The following TMEM192 variants were observed in gnomAD, a reference collection of about 807,000 sequenced individuals.
The protein encoded by TMEM192 is transmembrane protein 192.
Under a neutral mutation model 26.7 loss-of-function variants are expected in TMEM192, and 20 were observed. That is an observed-to-expected ratio of 0.75 (90% confidence interval 0.53 to 1.09). The LOEUF is 1.09. Ranked by LOEUF, TMEM192 falls within the 50% of genes least tolerant of loss-of-function variation. The pLI is 0.00. For missense variants in TMEM192, 304 were observed against 322.6 expected (o/e 0.94, Z 0.44); for synonymous variants, 124 against 121.0 (o/e 1.02, Z -0.16).
At chr4:165,084,605 G>A (rs1265361840) in intron 5 of TMEM192, among the ~76,000 whole-genome samples, 1 of 151,756 alleles carries the variant, frequency 6.6e-6, no homozygotes, top group South Asian at 2.1e-4. Context: ...CCAAAAGCAG[G>A]ATGAGAAGAA....
intron 3 of TMEM192, 87 bp from the exon 4 acceptor site, chr4:165,088,689 C>T (rs1431690660): frequency 4.6e-5 from 60 of 1,310,828 alleles, no homozygotes; most frequent in Non-Finnish European, 6.2e-6. Flanking sequence ...TTGTCTGGTT[C>T]CTTACACAGA....
intron 1 of TMEM192, chr4:165,111,552 G>GT (rs1182493373): frequency 2.0e-5 from 3 of 152,224 alleles, no homozygotes; most frequent in East Asian, 3.9e-4. Flanking sequence ...TACATATTCG[G>GT]TTTTTTCTGT....
At chr4:165,090,194 A>G (rs932990593) in intron 3 of TMEM192, among the ~76,000 whole-genome samples, 1 of 140,320 alleles carries the variant, frequency 7.1e-6, no homozygotes, top group Admixed American at 7.6e-5. Context: ...CTGGGCAACA[A>G]GAGCGAAACT....
intron 1 of TMEM192, among the ~76,000 whole-genome samples, chr4:165,110,752 G>A (rs1378774605): frequency 2.6e-5 from 4 of 152,218 alleles, no homozygotes. Context: ...TTCCAGGGTA[G>A]ACCCTGAAAG....
At position 165,112,797 on chromosome 4, in the gene TMEM192, C is replaced by A. The variant is rs1255194639; in HGVS notation, c.-24G>T. The A allele has an allele frequency of 2.5e-6, 4 of 1,604,406 alleles. No individual in the cohort carries two copies. In the African/African-American group the frequency reaches 5.4e-5, roughly 21 times the overall value. On this transcript the variant is annotated 5_prime_UTR_variant, in exon 1 of 6. Transcript: ENST00000306480. ...ATTTCCCGACGCCGGAGGCCGAAGC[C>A]CTGGCCAGCCCGGCCTCTCCACCTG...
At chr4:165,103,669 C>T (rs1017734937) in intron 1 of TMEM192, among the ~76,000 whole-genome samples, 2 of 152,116 alleles carry the variant, frequency 1.3e-5, no homozygotes, top group Admixed American at 6.6e-5. Context: ...GCATGCACCA[C>T]CACACCCGGC....
chr4:165,106,723 C>T (rs1404874670), intron 1 of TMEM192, among the ~76,000 whole-genome samples: 1 of 152,220 alleles, frequency 6.6e-6, no homozygotes, highest in Non-Finnish European at 1.5e-5. Context: ...CTCAGGCCTT[C>T]GGCTGCCGAC....
rs1734372409 is a variant in TMEM192, at chr4:165,076,038, CA to C, written c.*3619del. ...AGACAGATGAGACTAAAAAAAAAAACAAAACAAAAAAAGTGTACATTGGTAT... is the reference window on the plus strand; with the variant it reads ...AGACAGATGAGACTAAAAAAAAAAACAAACAAAAAAAGTGTACATTGGTAT... On this transcript the variant is annotated 3_prime_UTR_variant, in exon 6 of 6. Transcript: ENST00000306480. 1.3e-5 allele frequency: 2 copies of C among 149,792 alleles called. No homozygotes were observed. Among genetic ancestry groups the C allele is most frequent in the Non-Finnish European group, 3.0e-5 (2 of 67,414 alleles). The allele number at this position is 149,792 out of a possible 1,614,324, so 9.3% of individuals were successfully genotyped here.
At chr4:165,098,835 C>T (rs1734974401) in intron 3 of TMEM192, among the ~76,000 whole-genome samples, 1 of 151,544 alleles carries the variant, frequency 6.6e-6, no homozygotes, top group Non-Finnish European at 1.5e-5. Context: ...GTAGCTGGGA[C>T]TACAGGCGCG....
At chr4:165,102,596 C>T (rs1167524840) in intron 2 of TMEM192, among the ~76,000 whole-genome samples, 4 of 152,098 alleles carry the variant, frequency 2.6e-5, no homozygotes, top group African/African-American at 9.7e-5. Flanking sequence ...CTATCCACCC[C>T]ATTCTTAACA....
chr4:165,085,214 G>T (rs868155539), intron 5 of TMEM192, among the ~76,000 whole-genome samples: 1 of 150,032 alleles, frequency 6.7e-6, no homozygotes, highest in African/African-American at 2.5e-5. Context: ...TGGAGACTAC[G>T]GTGAGCCAAG....
Position 165,071,108 on chromosome 4 carries a change from T to C in TMEM192, c.*8550A>G, listed in dbSNP as rs1215479754. The C allele has an allele frequency of 6.6e-6, 1 of 152,018 alleles. No homozygotes were observed. The highest frequency in any genetic ancestry group is 1.5e-5 in the Non-Finnish European group (1 of 67,924). 9.4% of individuals were successfully genotyped at this position (152,018 alleles called of 1,614,324 possible). A position where few individuals can be genotyped will look rare whatever the true frequency, so the allele number is the denominator to read the frequency against. On this transcript the variant is annotated 3_prime_UTR_variant, in exon 6 of 6. Coordinates refer to ENST00000306480, the MANE Select transcript of TMEM192 (RefSeq NM_001100389.2). ...AGATAGTACTAAACCCTACGAACAC[T>C]ATATTTTTTCCTATCCACACATAAC...
intron 1 of TMEM192, among the ~76,000 whole-genome samples, chr4:165,109,941 A>G (rs1038813388): frequency 6.6e-6 from 1 of 152,164 alleles, no homozygotes; most frequent in African/African-American, 2.4e-5. Context: ...TTCATTTGGA[A>G]TATTTCTTAT....
At chr4:165,091,374 G>A (rs1734759487) in intron 3 of TMEM192, among the ~76,000 whole-genome samples, 1 of 152,144 alleles carries the variant, frequency 6.6e-6, no homozygotes. Context: ...TAAGACTAGA[G>A]CCCTTTCATT....
rs915683697 is a variant in TMEM192 at position 165,070,786 on chromosome 4, C to T, written c.*8872G>A. ...GGAACAGGCTTTGAGCATGTGTGAG[C>T]ATAGTTTTTCTACTACAATTCCAGT... On this transcript the variant is annotated 3_prime_UTR_variant, in exon 6 of 6. Coordinates refer to ENST00000306480, the MANE Select transcript of TMEM192 (RefSeq NM_001100389.2). The T allele has an allele frequency of 6.6e-6, 1 of 152,208 alleles. No individual in the cohort carries two copies. Among genetic ancestry groups the T allele is most frequent in the Non-Finnish European group, 1.5e-5 (1 of 68,042 alleles). 9.4% of individuals were successfully genotyped at this position (152,208 alleles called of 1,614,324 possible).
At chr4:165,103,202 G>T in intron 1 of TMEM192, 106 bp from the exon 2 acceptor site, 1 of 1,039,034 alleles carries the variant, frequency 9.6e-7, no homozygotes, top group Non-Finnish European at 1.3e-6. Context: ...CAAATTAAAG[G>T]CAAGAGAACA....
intron 3 of TMEM192, among the ~76,000 whole-genome samples, chr4:165,095,129 G>A (rs777150081): frequency 1.3e-5 from 2 of 152,064 alleles, no homozygotes; most frequent in African/African-American, 2.4e-5. Context: ...TCCTAGAAAC[G>A]AAACCCATGA....
In TMEM192 at chr4:165,078,518, G is replaced by T. The variant is rs886328669; in HGVS notation, c.*1140C>A. On this transcript the variant is annotated 3_prime_UTR_variant, in exon 6 of 6. Transcript: ENST00000306480. Reference sequence around the variant, plus strand: ...TTAAGTATAATCCAAGGCTTTAAAAGGTATCTTTTTTTTACAGTAATTTAA... The same window carrying T: ...TTAAGTATAATCCAAGGCTTTAAAATGTATCTTTTTTTTACAGTAATTTAA... 6.6e-6 allele frequency: 1 copy of T among 151,986 alleles called. No individual in the cohort carries two copies. Among genetic ancestry groups the T allele is most frequent in the East Asian group, 1.9e-4 (1 of 5,182 alleles). The allele number at this position is 151,986 out of a possible 1,614,324, so 9.4% of individuals were successfully genotyped here. A position where few individuals can be genotyped will look rare whatever the true frequency, so the allele number is the denominator to read the frequency against.
intron 1 of TMEM192, among the ~76,000 whole-genome samples, chr4:165,108,543 G>A (rs1253281959): frequency 2.6e-5 from 4 of 152,164 alleles, no homozygotes; most frequent in African/African-American, 7.2e-5. Flanking sequence ...CTCCACTACT[G>A]AGGCAAGACC....
Sources: gnomAD v4.1 joint callset for allele counts (sites outside exome capture counted in the v4.1 genomes callset) on GRCh38, gnomAD v4.1.1 for gene constraint, MANE v1.5 for transcripts, NCBI Gene and HGNC (gene_info 2026-07-23, HGNC 2026-07-21) for gene names.